DNAJC24: variants seen among roughly 807,000 people sequenced by gnomAD.
The protein encoded by DNAJC24 is DnaJ heat shock protein family (Hsp40) member C24.
In DNAJC24, 17 loss-of-function variants were observed where a neutral mutation model predicts 18.0. The ratio of observed to expected loss-of-function variants is 0.94; its 90% CI spans 0.65 to 1.42. DNAJC24 has a LOEUF of 1.42. DNAJC24 is among the 40% of genes most tolerant of loss of function. The probability of loss-of-function intolerance (pLI) is 0.00; values close to 1 mark genes in which losing one functional copy is unlikely to be tolerated. For synonymous variants in DNAJC24, 55 were observed against 57.7 expected, an observed-to-expected ratio of 0.95 and a Z score of 0.21; for missense variants, 158 against 175.6, an observed-to-expected ratio of 0.90 and a Z score of 0.57.
chr11:31,380,748 T>A (rs1952368476), intron 2 of DNAJC24, among the ~76,000 whole-genome samples: 1 of 152,206 alleles, frequency 6.6e-6, no homozygotes, highest in Admixed American at 6.5e-5. Context: ...ATGTGTATAA[T>A]CAACACCATA....
chr11:31,406,211 AT>A (rs1264972081), intron 2 of DNAJC24, among the ~76,000 whole-genome samples: 1 of 152,110 alleles, frequency 6.6e-6, no homozygotes, highest in African/African-American at 2.4e-5. Context: ...GGGCTGAAGC[AT>A]TTTCATATCA....
At chr11:31,379,807 G>A (rs1952358209) in intron 2 of DNAJC24, among the ~76,000 whole-genome samples, 1 of 151,954 alleles carries the variant, frequency 6.6e-6, no homozygotes, top group Non-Finnish European at 1.5e-5. Context: ...GTCCAGGCTG[G>A]AGTGCAGTGG....
chr11:31,402,934 A>G (rs1173723552), intron 2 of DNAJC24, among the ~76,000 whole-genome samples: 1 of 152,194 alleles, frequency 6.6e-6, no homozygotes, highest in East Asian at 1.9e-4. Context: ...TTTTAGCTCC[A>G]TTATAATCTT....
intron 2 of DNAJC24, among the ~76,000 whole-genome samples, chr11:31,399,673 A>G (rs1291898321): frequency 1.3e-5 from 2 of 149,722 alleles, no homozygotes; most frequent in Non-Finnish European, 3.0e-5. Flanking sequence ...CGGCCTCCCA[A>G]AGTGCTGGGG....
chr11:31,404,414 A>G (rs898292834), intron 2 of DNAJC24, among the ~76,000 whole-genome samples: 1 of 152,096 alleles, frequency 6.6e-6, no homozygotes, highest in East Asian at 1.9e-4. Flanking sequence ...TTGCTCATTT[A>G]CTTCTCAGGG....
At chr11:31,417,343 C>G (rs1591919655) in intron 3 of DNAJC24, 1 of 152,092 alleles carries the variant, frequency 6.6e-6, no homozygotes, top group African/African-American at 2.4e-5. Flanking sequence ...ATTGTTATTT[C>G]TTTTGAATAC....
At chr11:31,412,307 A>T (rs539518193) in intron 2 of DNAJC24, among the ~76,000 whole-genome samples, 1 of 152,188 alleles carries the variant, frequency 6.6e-6, no homozygotes, top group Admixed American at 6.5e-5. Context: ...CTACCTTTTG[A>T]TCTTTACTCC....
intron 4 of DNAJC24, 130 bp from the exon 5 acceptor site, chr11:31,430,141 A>G: frequency 1.3e-6 from 1 of 773,176 alleles, no homozygotes; most frequent in Non-Finnish European, 1.9e-6. Flanking sequence ...TCCTTTAAAT[A>G]CATTTTATCT....
intron 2 of DNAJC24, among the ~76,000 whole-genome samples, 191 bp downstream of exon 2, chr11:31,371,050 G>A (rs1372543800): frequency 6.6e-6 from 1 of 152,204 alleles, no homozygotes; most frequent in Non-Finnish European, 1.5e-5. Flanking sequence ...TTAGGAGCAG[G>A]AGATCTGAGT....
chr11:31,416,569 A>G (rs779929994), intron 3 of DNAJC24: 2 of 152,110 alleles, frequency 1.3e-5, no homozygotes, highest in Non-Finnish European at 2.9e-5. Flanking sequence ...ATTGTACCCT[A>G]AAGAGTATAG....
chr11:31,414,920 C>T lies in DNAJC24; in HGVS notation c.221C>T (p.Thr74Ile), dbSNP rs1159489930. Reference sequence around the variant, plus strand: ...TGGAAAATTCTAGGAAATGAAGAGACAAAAAGAGAGTATGACCTGCAGCGG... The same window carrying T: ...TGGAAAATTCTAGGAAATGAAGAGATAAAAAGAGAGTATGACCTGCAGCGG... ...QAWKILGNEE[T>I]KREYDLQRCE... Residue 74 changes from threonine to isoleucine, a missense_variant, in exon 3 of 5, where the codon ACA becomes ATA. By Grantham distance (89) the Thr-to-Ile change is moderately conservative. Transcript: ENST00000465995. The T allele has an allele frequency of 4.3e-6, 7 of 1,613,676 alleles. No homozygotes were observed. The highest frequency in any genetic ancestry group is 5.1e-6 in the Non-Finnish European group (6 of 1,179,916).
intron 2 of DNAJC24, among the ~76,000 whole-genome samples, chr11:31,405,582 A>G (rs779752988): frequency 2.0e-5 from 3 of 151,990 alleles, no homozygotes; most frequent in Non-Finnish European, 2.9e-5. Flanking sequence ...GGCTCAAGGA[A>G]TCCTCCTACT....
In DNAJC24 at chr11:31,420,751, G is replaced by C. The variant is rs143649898; in HGVS notation, c.251-5536G>C. Among the ~76,000 whole-genome samples, 9 of 152,224 alleles carry C rather than the reference G, an allele frequency of 5.9e-5. No individual in the cohort carries two copies. In the East Asian group the frequency reaches 1.7e-3, roughly 29 times the overall value. The stretch of plus-strand genomic sequence containing the variant: ...TAAGGTCACATAAAGTAGTTGATCG[G>C]GGGGGAATTCAAAGCCATTTTTTCT... On this transcript the variant is annotated intron_variant, in intron 3 of 4. Coordinates refer to ENST00000465995, the MANE Select transcript of DNAJC24 (RefSeq NM_181706.5).
At chr11:31,378,472 C>T (rs1423338709) in intron 2 of DNAJC24, among the ~76,000 whole-genome samples, 1 of 152,132 alleles carries the variant, frequency 6.6e-6, no homozygotes, top group Non-Finnish European at 1.5e-5. Flanking sequence ...CTTGTAATCA[C>T]TTCATGTGAA....
intron 2 of DNAJC24, among the ~76,000 whole-genome samples, chr11:31,414,296 G>A (rs193249090): frequency 1.3e-3 from 199 of 152,182 alleles, no homozygotes; most frequent in African/African-American, 4.7e-3. Flanking sequence ...AATCTTCAGG[G>A]CTGGGGAAGA....
intron 2 of DNAJC24, among the ~76,000 whole-genome samples, chr11:31,399,732 G>GTT (rs1952581478): frequency 9.1e-6 from 1 of 110,146 alleles, no homozygotes; most frequent in Non-Finnish European, 1.9e-5. Flanking sequence ...TTTTTTAACT[G>GTT]TTTTTTCTTT....
chr11:31,370,891 AGGGG>A, intron 2 of DNAJC24, 32 bp downstream of exon 2: 1 of 1,430,934 alleles, frequency 7.0e-7, no homozygotes, highest in South Asian at 1.3e-5. Flanking sequence ...TTAAATCATG[AGGGG>A]AAAAAAATCA....
chr11:31,424,221 T>G (rs1486014739), intron 3 of DNAJC24, among the ~76,000 whole-genome samples: 2 of 152,202 alleles, frequency 1.3e-5, no homozygotes, highest in Non-Finnish European at 2.9e-5. Flanking sequence ...ATCTTGTCAT[T>G]ATTTCTCTTG....
chr11:31,411,344 T>A (rs1451534632), intron 2 of DNAJC24, among the ~76,000 whole-genome samples: 1 of 152,210 alleles, frequency 6.6e-6, no homozygotes, highest in African/African-American at 2.4e-5. Context: ...GCATTCCAAT[T>A]TTAAATCATA....
Sources: gnomAD v4.1 joint callset for allele counts (sites outside exome capture counted in the v4.1 genomes callset) on GRCh38, gnomAD v4.1.1 for gene constraint, MANE v1.5 for transcripts, NCBI Gene and HGNC (gene_info 2026-07-23, HGNC 2026-07-21) for gene names.